Variants in IL4R observed in about 807,000 individuals in gnomAD.
The protein encoded by IL4R is interleukin 4 receptor.
A neutral mutation model predicts 41.5 loss-of-function variants in IL4R; 17 were observed. That is an observed-to-expected ratio of 0.41 (90% CI 0.28 to 0.61). IL4R has a LOEUF of 0.61. Ranked by LOEUF, IL4R falls within the 20% of genes least tolerant of loss-of-function variation. The pLI, the probability that IL4R is intolerant of heterozygous loss-of-function variation, is 0.31. For synonymous variants in IL4R, 402 were observed against 422.9 expected (o/e 0.95, Z 0.61); for missense variants, 974 against 1,043.1 (o/e 0.93, Z 0.91).
intron 6 of IL4R, among the ~76,000 whole-genome samples, chr16:27,351,391 T>G (rs993773098): frequency 1.3e-5 from 2 of 152,042 alleles, no homozygotes; most frequent in African/African-American, 4.8e-5. Context: ...TAGAAACAAG[T>G]AGCAGGTCCT....
chr16:27,346,665 G>C, intron 6 of IL4R, 47 bp downstream of exon 6: 2 of 1,604,248 alleles, frequency 1.2e-6, no homozygotes, highest in Non-Finnish European at 1.7e-6. Flanking sequence ...TGGGGAACAG[G>C]GTGGGTGACC....
rs376276850 is a variant in IL4R, at chr16:27,352,649, A to G, written c.623A>G (p.Tyr208Cys). ...RARVRAWAQCYNTTWSEWSPS... is the reference protein window; with the variant it reads ...RARVRAWAQCCNTTWSEWSPS... The stretch of plus-strand genomic sequence containing the variant: ...CGGGTGAGGGCCTGGGCTCAGTGCT[A>G]TAACACCACCTGGAGTGAGTGGAGC... Residue 208 changes from tyrosine to cysteine, a missense_variant, in exon 7 of 11, where the codon TAT becomes TGT. Around this residue, in one of 3 missense-constraint regions of IL4R, gnomAD observed 284 missense variants for 313.4 expected, o/e 0.91. Transcript: ENST00000395762. 13 of 1,614,092 alleles carry G rather than the reference A, an allele frequency of 8.1e-6. No individual in the cohort carries two copies. The Admixed American group carries it at 1.3e-4, about 17-fold the overall frequency.
In IL4R at chr16:27,362,314, A is replaced by G. The variant is rs755862043; in HGVS notation, c.962A>G (p.Asp321Gly). The change falls in exon 11 of 11, where the codon GAT becomes GGT. Residue 321 changes from aspartate (D) to glycine (G), a missense_variant. By Grantham distance (94) the Asp-to-Gly change is moderately conservative. Coordinates refer to ENST00000395762, the MANE Select transcript of IL4R (RefSeq NM_000418.4). ...TTTCTGGAGCACAACATGAAAAGGG[A>G]TGAAGATCCTCACAAGGCTGCCAAA... ...PCFLEHNMKRDEDPHKAAKEM... is the reference protein window; with the variant it reads ...PCFLEHNMKRGEDPHKAAKEM... 2.8e-5 allele frequency: 45 copies of G among 1,614,010 alleles called. No homozygotes were observed. The highest frequency in any genetic ancestry group is 3.5e-5 in the Non-Finnish European group (41 of 1,180,014).
rs140903716 is a variant in IL4R at position 27,324,500 on chromosome 16, G to A, written c.-151-5566G>A. 2.0e-3 allele frequency among the ~76,000 whole-genome samples: 312 copies of A among 152,308 alleles called. 1 individual carries two copies. Among genetic ancestry groups the A allele is most frequent in the Non-Finnish European group, 3.4e-3 (232 of 68,034 alleles). On this transcript the variant is annotated intron_variant, in intron 1 of 10. Coordinates refer to ENST00000395762, the MANE Select transcript of IL4R (RefSeq NM_000418.4). ...AGGCTCTGGGGAGATGGCTGTGAGC[G>A]GGATCGACACTGGCCTTGTGTGAGC...
intron 1 of IL4R, among the ~76,000 whole-genome samples, chr16:27,322,895 G>C (rs532831326): frequency 2.5e-4 from 38 of 152,164 alleles, no homozygotes; most frequent in Non-Finnish European, 5.0e-4. Flanking sequence ...CAGATGAGGA[G>C]ACTGAGGCTC....
intron 2 of IL4R, among the ~76,000 whole-genome samples, chr16:27,337,048 G>A (rs2085281810): frequency 2.0e-5 from 3 of 152,160 alleles, no homozygotes; most frequent in Admixed American, 2.0e-4. Context: ...TTGCACTCCA[G>A]CCTGGGCAAC....
chr16:27,317,959 A>G (rs2084694441), intron 1 of IL4R, among the ~76,000 whole-genome samples: 1 of 152,200 alleles, frequency 6.6e-6, no homozygotes. Flanking sequence ...TTGAGCACCT[A>G]TATGTGCCAG....
chr16:27,338,603 A>G (rs1225645949), intron 2 of IL4R, among the ~76,000 whole-genome samples: 3 of 152,062 alleles, frequency 2.0e-5, no homozygotes, highest in Non-Finnish European at 4.4e-5. Context: ...ACTTCATCCC[A>G]TTGTAGTCAT....
intron 1 of IL4R, chr16:27,314,264 T>C (rs1038690128): frequency 2.9e-6 from 1 of 343,152 alleles, no homozygotes; most frequent in African/African-American, 2.2e-5. Context: ...CCAAAGCCGG[T>C]GCTGGCAGTG....
In IL4R at chr16:27,359,069, A is replaced by G. The variant is rs968245126; in HGVS notation, c.849+75A>G. 1.1e-5 allele frequency: 12 copies of G among 1,123,064 alleles called. No individual in the cohort carries two copies. The African/African-American group carries it at 1.7e-4, about 16-fold the overall frequency. 69.6% of individuals were successfully genotyped at this position (1,123,064 alleles called of 1,614,324 possible). ...TGTGGTTCAGAACACCTGGGCTGTT[A>G]AGGACCTTCACTGGCTTCTGGAATG... On this transcript the variant is annotated intron_variant, in intron 9 of 10. Transcript: ENST00000395762.
At chr16:27,319,122 CAG>C (rs2084734671) in intron 1 of IL4R, among the ~76,000 whole-genome samples, 3 of 151,888 alleles carry the variant, frequency 2.0e-5, no homozygotes, top group South Asian at 2.1e-4. Context: ...GCAGTGGGAA[CAG>C]AGAGTGCAAA....
At chr16:27,357,600 A>T (rs2086122376) in intron 8 of IL4R, among the ~76,000 whole-genome samples, 1 of 151,934 alleles carries the variant, frequency 6.6e-6, no homozygotes. Context: ...ACTAGCTGGG[A>T]TTACAGGCGT....
At chr16:27,351,421 A>C (rs1284201700) in intron 6 of IL4R, among the ~76,000 whole-genome samples, 1 of 152,100 alleles carries the variant, frequency 6.6e-6, no homozygotes, top group Non-Finnish European at 1.5e-5. Flanking sequence ...CGAGAAGACC[A>C]GATGACACAA....
chr16:27,337,853 C>G (rs554299439), intron 2 of IL4R, among the ~76,000 whole-genome samples: 7 of 151,742 alleles, frequency 4.6e-5, no homozygotes, highest in African/African-American at 1.7e-4. Flanking sequence ...CGCCCGGCCC[C>G]AGTACACACT....
intron 1 of IL4R, among the ~76,000 whole-genome samples, chr16:27,325,762 G>C (rs78291973): frequency 6.6e-6 from 1 of 151,936 alleles, no homozygotes. Flanking sequence ...GCCCCTCCCC[G>C]AGAGAACTCT....
In IL4R at chr16:27,360,888, C is replaced by G. The variant is rs2086258780; in HGVS notation, c.899+73C>G. On this transcript the variant is annotated intron_variant, in intron 10 of 10. Coordinates refer to ENST00000395762, the MANE Select transcript of IL4R (RefSeq NM_000418.4). ...TAGAATTGGAGAGGCAAGCCCCTAGCTCCATGTCTGCCTTCTCTTCCCTGC... is the reference window on the plus strand; with the variant it reads ...TAGAATTGGAGAGGCAAGCCCCTAGGTCCATGTCTGCCTTCTCTTCCCTGC... 3 of 1,612,768 alleles carry G rather than the reference C, an allele frequency of 1.9e-6. No homozygotes were observed. The South Asian group carries it at 3.3e-5, about 18-fold the overall frequency.
Position 27,344,921 on chromosome 16 carries a change from C to G in IL4R, c.262C>G (p.Leu88Val). 1.2e-6 allele frequency: 2 copies of G among 1,614,214 alleles called. No individual in the cohort carries two copies. Among genetic ancestry groups the G allele is most frequent in the Non-Finnish European group, 1.7e-6 (2 of 1,180,042 alleles). The change falls in exon 5 of 11, where the codon CTG becomes GTG. Residue 88 changes from leucine to valine, a missense_variant. By Grantham distance (32) the Leu-to-Val change is conservative (BLOSUM62 1). Transcript: ENST00000395762. ...CGGAGGCGCGGGGTGCGTGTGCCAC[C>G]TGCTCATGGATGACGTGGTCAGTGC... Reference protein sequence around the residue: ...NNGGAGCVCHLLMDDVVSADN... With the variant: ...NNGGAGCVCHVLMDDVVSADN...
chr16:27,357,829 C>T (rs929627418), intron 8 of IL4R, among the ~76,000 whole-genome samples: 1 of 151,964 alleles, frequency 6.6e-6, no homozygotes, highest in African/African-American at 2.4e-5. Context: ...AACTTCTACC[C>T]CTTTATCTTT....
intron 4 of IL4R, among the ~76,000 whole-genome samples, chr16:27,344,232 G>A (rs1443767729): frequency 6.6e-6 from 1 of 151,838 alleles, no homozygotes; most frequent in East Asian, 1.9e-4. Flanking sequence ...TTGAGCCCAG[G>A]AGGTGGAGGT....
Sources: allele counts gnomAD v4.1 joint callset (sites outside exome capture counted in the v4.1 genomes callset), GRCh38; gene constraint gnomAD v4.1.1; regional missense constraint gnomAD v4.1.1; transcripts MANE v1.5; gene names NCBI Gene and HGNC (gene_info 2026-07-23, HGNC 2026-07-21).